Variants in ASPSCR1 observed in about 807,000 individuals in gnomAD.
The protein encoded by ASPSCR1 is ASPSCR1 tether for SLC2A4, UBX domain containing.
A neutral mutation model predicts 68.9 loss-of-function variants in ASPSCR1; 55 were observed. The observed-to-expected ratio is 0.80, with a 90% CI of 0.64 to 1.00. The LOEUF is 1.00. Among genes scored for constraint, ASPSCR1 ranks in the 50% least tolerant of loss-of-function variants. The pLI, the probability that ASPSCR1 is intolerant of heterozygous loss-of-function variation, is 0.00. For synonymous variants in ASPSCR1, 352 were observed against 332.6 expected (o/e 1.06, Z -0.63); for missense variants, 765 against 762.2 (o/e 1.00, Z -0.04).
chr17:81,985,565 G>A lies in ASPSCR1; in HGVS notation c.332G>A (p.Gly111Asp). 6.2e-7 allele frequency: 1 copy of A among 1,614,042 alleles called. No individual in the cohort carries two copies. Among genetic ancestry groups the A allele is most frequent in the East Asian group, 2.2e-5 (1 of 44,886 alleles). ...GSRLQDSFCS[G>D]QTLWELLSHF... ...AGGTTGCAGGACTCTTTCTGTTCAG[G>A]CCAGACCCTCTGGGAGCTTCTCAGC... Residue 111 changes from glycine to aspartate, a missense_variant, in exon 4 of 16, where the codon GGC becomes GAC. Physicochemically the swap from Gly to Asp is moderately conservative, Grantham distance 94. Transcript: ENST00000306739.
rs149350280 is a variant in ASPSCR1, at chr17:81,994,310, G to A, written c.375-511G>A. On this transcript the variant is annotated intron_variant, in intron 4 of 15. Transcript: ENST00000306739. The stretch of plus-strand genomic sequence containing the variant: ...CAAGCGGGCGTGAGCGGAGTGCAGC[G>A]CCCCTCCCTCCATGCTTCGGTGACA... 2.7e-3 allele frequency among the ~76,000 whole-genome samples: 413 copies of A among 152,362 alleles called. 2 individuals carry two copies. Among genetic ancestry groups the A allele is most frequent in the African/African-American group, 9.3e-3 (387 of 41,586 alleles).
rs201515044 is a variant in ASPSCR1 at position 81,996,415 on chromosome 17, C to T, written c.507-5C>T. 611 of 1,576,510 alleles carry T rather than the reference C, an allele frequency of 3.9e-4. No homozygotes were observed. The highest frequency in any genetic ancestry group is 4.6e-4 in the Non-Finnish European group (531 of 1,157,132). Reference sequence around the variant, plus strand: ...GTGCTTCCCTTGTCCTCTGGCCCCACTCAGGTTTGTCATGAAGTGCTACGA... The same window carrying T: ...GTGCTTCCCTTGTCCTCTGGCCCCATTCAGGTTTGTCATGAAGTGCTACGA... On this transcript the variant is annotated splice_polypyrimidine_tract_variant and splice_region_variant and intron_variant, in intron 6 of 15. Coordinates refer to ENST00000306739, the MANE Select transcript of ASPSCR1 (RefSeq NM_024083.4).
chr17:81,991,946 G>A (rs2042183104), intron 4 of ASPSCR1, among the ~76,000 whole-genome samples: 1 of 152,268 alleles, frequency 6.6e-6, no homozygotes, highest in Non-Finnish European at 1.5e-5. Flanking sequence ...CCAGCGGGGC[G>A]GGGTTTGTGG....
intron 12 of ASPSCR1, 52 bp from the exon 13 acceptor site, chr17:82,016,424 A>AG (rs889489339): frequency 1.4e-4 from 217 of 1,498,910 alleles, no homozygotes; most frequent in Non-Finnish European, 1.9e-4. Context: ...CCTTCACAGC[A>AG]GGGGGGTGCT....
At position 81,996,543 on chromosome 17, in the gene ASPSCR1, C is replaced by T. The variant is rs147391651; in HGVS notation, c.630C>T (p.Gly210=). 3.5e-5 allele frequency: 56 copies of T among 1,612,866 alleles called. No individual in the cohort carries two copies. The highest frequency in any genetic ancestry group is 4.5e-5 in the Non-Finnish European group (53 of 1,179,640). Reference sequence around the variant, plus strand: ...TGGAATCTGGGGAGCTCAGCCGCGGCGACTTGAGCCGTCCGGAGGACGCGG... The same window carrying T: ...TGGAATCTGGGGAGCTCAGCCGCGGTGACTTGAGCCGTCCGGAGGACGCGG... The part of the protein sequence containing the change: ...LPLESGELSR[G]DLSRPEDADT... The change falls in exon 7 of 16, where the codon GGC becomes GGT. Residue 210 remains glycine (G), a synonymous_variant. Coordinates refer to ENST00000306739, the MANE Select transcript of ASPSCR1 (RefSeq NM_024083.4).
At chr17:82,011,504 G>A in intron 10 of ASPSCR1, 39 bp from the exon 11 acceptor site, 1 of 1,564,430 alleles carries the variant, frequency 6.4e-7, no homozygotes, top group South Asian at 1.2e-5. Flanking sequence ...GGCTGGCGTG[G>A]TGGAAGAGCT....
chr17:82,009,047 G>A lies in ASPSCR1; in HGVS notation c.944G>A (p.Arg315Gln), dbSNP rs528114039. The A allele has an allele frequency of 1.6e-5, 25 of 1,545,396 alleles. 1 individual carries two copies. In the African/African-American group the frequency reaches 2.9e-4, roughly 18 times the overall value. The change falls in exon 8 of 16, where the codon CGG becomes CAG. Residue 315 changes from arginine (R) to glutamine (Q), a missense_variant. Physicochemically the swap from Arg to Gln is conservative, Grantham distance 43 (BLOSUM62 1). Transcript: ENST00000306739. ...GCCCTCTGCCTCCAGCCCGTGGACC[G>A]GGAGCCCGTGGACCGGGAGCCGGTG... The part of the protein sequence containing the change: ...QEQERERPVD[R>Q]EPVDREPVVC...
chr17:82,009,000 C>T lies in ASPSCR1; in HGVS notation c.934-37C>T, dbSNP rs202177519. 2.1e-3 allele frequency: 3,141 copies of T among 1,468,180 alleles called. 7 individuals carry two copies. Among genetic ancestry groups the T allele is most frequent in the Non-Finnish European group, 2.6e-3 (2,883 of 1,109,904 alleles). The allele number at this position is 1,468,180 out of a possible 1,614,324, so 90.9% of individuals were successfully genotyped here. A position where few individuals can be genotyped will look rare whatever the true frequency, so the allele number is the denominator to read the frequency against. ...AGCCCGGGGTGCGGAGGGCCCAGCC[C>T]GTGACACCCGCCGTCAGCCGCGCCC... On this transcript the variant is annotated intron_variant, in intron 7 of 15. Coordinates refer to ENST00000306739, the MANE Select transcript of ASPSCR1 (RefSeq NM_024083.4).
chr17:81,992,038 G>C (rs1338473972), intron 4 of ASPSCR1, among the ~76,000 whole-genome samples: 5 of 152,258 alleles, frequency 3.3e-5, no homozygotes, highest in African/African-American at 1.2e-4. Flanking sequence ...GGCCCTGGCC[G>C]GGTGGGGAGC....
chr17:82,001,645 C>T (rs372787473), intron 7 of ASPSCR1, among the ~76,000 whole-genome samples: 19 of 152,258 alleles, frequency 1.2e-4, no homozygotes, highest in East Asian at 1.9e-4. Flanking sequence ...TGTGGGGCTC[C>T]GTACTGGGCG....
chr17:81,993,713 G>A (rs2042246609), intron 4 of ASPSCR1, among the ~76,000 whole-genome samples: 1 of 152,262 alleles, frequency 6.6e-6, no homozygotes, highest in Non-Finnish European at 1.5e-5. Context: ...GACCCTCCCA[G>A]TACCCCCCAT....
rs1432420848 is a variant in ASPSCR1 at position 81,996,448 on chromosome 17, G to C, written c.535G>C (p.Gly179Arg). ...RFVMKCYDPV[G>R]KTPGSLGSSA... is the part of the protein sequence containing the mutation. The stretch of plus-strand genomic sequence containing the variant: ...TGTCATGAAGTGCTACGACCCCGTG[G>C]GCAAGACCCCAGGAAGCCTGGGCTC... The change falls in exon 7 of 16, where the codon GGC becomes CGC. Residue 179 changes from glycine to arginine, a missense_variant. Gly to Arg is a moderately radical substitution (Grantham distance 125). Coordinates refer to ENST00000306739, the MANE Select transcript of ASPSCR1 (RefSeq NM_024083.4). The C allele has an allele frequency of 6.2e-7, 1 of 1,603,082 alleles. No homozygotes were observed. The highest frequency in any genetic ancestry group is 8.5e-7 in the Non-Finnish European group (1 of 1,173,176).
rs143841140 is a variant in ASPSCR1 at position 81,990,722 on chromosome 17, G to T, written c.375-4099G>T. Among the ~76,000 whole-genome samples the T allele has an allele frequency of 6.6e-6, 1 of 152,160 alleles. No individual in the cohort carries two copies. The highest frequency in any genetic ancestry group is 1.5e-5 in the Non-Finnish European group (1 of 68,024). Reference sequence around the variant, plus strand: ...TGGCCTACGGGCCCTGGGGGTACACGGCCCTCCTGGAGGCACCCGGAGGAG... The same window carrying T: ...TGGCCTACGGGCCCTGGGGGTACACTGCCCTCCTGGAGGCACCCGGAGGAG... On this transcript the variant is annotated intron_variant, in intron 4 of 15. Coordinates refer to ENST00000306739, the MANE Select transcript of ASPSCR1 (RefSeq NM_024083.4). This position sits in a 1 kb window ranked among gnomAD's most constrained non-coding sequence, Gnocchi z 4.1.
intron 11 of ASPSCR1, 43 bp from the exon 12 acceptor site, chr17:82,012,187 AG>A: frequency 6.3e-7 from 1 of 1,590,570 alleles, no homozygotes; most frequent in Non-Finnish European, 8.6e-7. Flanking sequence ...TGGATGGGCG[AG>A]GTCCACGGTG....
chr17:82,009,475 C>A lies in ASPSCR1; in HGVS notation c.1089-11C>A, dbSNP rs1040662689. On this transcript the variant is annotated splice_polypyrimidine_tract_variant and intron_variant, in intron 8 of 15. Transcript: ENST00000306739. ...GACCAGAAGCCCTGTTCCTTCCCCT[C>A]CTCACCACAGGAAGCGCCTGGAAGA... 1.3e-6 allele frequency: 2 copies of A among 1,569,500 alleles called. No individual in the cohort carries two copies. Among genetic ancestry groups the A allele is most frequent in the Non-Finnish European group, 1.7e-6 (2 of 1,157,258 alleles).
intron 15 of ASPSCR1, 97 bp from the exon 16 acceptor site, chr17:82,017,212 G>A: frequency 6.3e-7 from 1 of 1,589,842 alleles, no homozygotes; most frequent in South Asian, 1.1e-5. Flanking sequence ...TAGGTGCTGT[G>A]GCCGGCAGGG....
At position 81,992,215 on chromosome 17, in the gene ASPSCR1, A is replaced by G. The variant is rs2042192914; in HGVS notation, c.375-2606A>G. Among the ~76,000 whole-genome samples the G allele has an allele frequency of 2.0e-5, 3 of 152,108 alleles. No homozygotes were observed. In the South Asian group the frequency reaches 6.2e-4, roughly 31 times the overall value. On this transcript the variant is annotated intron_variant, in intron 4 of 15. Transcript: ENST00000306739. ...GGCCCTGGGTCTTGCCCCTGCGGACATTGGGACTTGCAGAGGTCTGCGTGG... is the reference window on the plus strand; with the variant it reads ...GGCCCTGGGTCTTGCCCCTGCGGACGTTGGGACTTGCAGAGGTCTGCGTGG...
chr17:82,016,602 A>G (rs2043136057), intron 13 of ASPSCR1, 75 bp downstream of exon 13: 2 of 1,535,182 alleles, frequency 1.3e-6, no homozygotes, highest in East Asian at 4.9e-5. Flanking sequence ...GCTGCCCGGG[A>G]GGGCGTTCGG....
intron 13 of ASPSCR1, 73 bp from the exon 14 acceptor site, chr17:82,016,727 G>T (rs1326317815): frequency 1.2e-5 from 19 of 1,536,946 alleles, no homozygotes; most frequent in Non-Finnish European, 1.5e-5. Context: ...CTGAGTGCTG[G>T]TGGGCAGATG....
Sources: allele counts gnomAD v4.1 joint callset (sites outside exome capture counted in the v4.1 genomes callset), GRCh38; gene constraint gnomAD v4.1.1; non-coding constraint Gnocchi (gnomAD v3.1); transcripts MANE v1.5; gene names NCBI Gene and HGNC (gene_info 2026-07-23, HGNC 2026-07-21).